Variants in DPP10 observed in about 807,000 individuals in gnomAD.
DPP10 encodes dipeptidyl peptidase like 10.
DPP10 carries 33 observed loss-of-function variants against 120.9 expected under a neutral mutation model. The observed-to-expected ratio is 0.27, with a 90% CI of 0.21 to 0.37. DPP10 has a LOEUF of 0.37. Ranked by LOEUF, DPP10 falls within the 10% of genes least tolerant of loss-of-function variation. The pLI is 1.00. For missense variants in DPP10, 816 were observed against 942.8 expected, an observed-to-expected ratio of 0.87 and a Z score of 1.76; for synonymous variants, 337 against 326.1, an observed-to-expected ratio of 1.03 and a Z score of -0.36.
At chr2:115,664,627 T>C (rs892313327) in intron 5 of DPP10, among the ~76,000 whole-genome samples, 1 of 152,194 alleles carries the variant, frequency 6.6e-6, no homozygotes, top group African/African-American at 2.4e-5. Context: ...CAGTAGAATG[T>C]GAGAAAGGAA....
intron 1 of DPP10, among the ~76,000 whole-genome samples, chr2:114,575,473 G>T (rs1345348588): frequency 1.3e-5 from 2 of 152,132 alleles, no homozygotes; most frequent in African/African-American, 4.8e-5. Flanking sequence ...AATGACAGAG[G>T]ATGACAAAAA....
chr2:114,775,785 A>G (rs1285197882), intron 1 of DPP10, among the ~76,000 whole-genome samples: 1 of 152,214 alleles, frequency 6.6e-6, no homozygotes, highest in Non-Finnish European at 1.5e-5. Context: ...GTGTCTTATT[A>G]ATTCAACACA....
At chr2:115,417,952 CTAA>C (rs1251836417) in intron 3 of DPP10, among the ~76,000 whole-genome samples, 1 of 152,052 alleles carries the variant, frequency 6.6e-6, no homozygotes, top group East Asian at 1.9e-4. Context: ...CATTGTTGCC[CTAA>C]TGGGAATTCT....
intron 1 of DPP10, among the ~76,000 whole-genome samples, chr2:114,736,302 G>A (rs1022956803): frequency 6.6e-6 from 1 of 151,924 alleles, no homozygotes; most frequent in South Asian, 2.1e-4. Context: ...CTACATTCGA[G>A]TTCAATTCTG....
chr2:114,552,281 A>T (rs1228226816), intron 1 of DPP10, among the ~76,000 whole-genome samples: 1 of 152,146 alleles, frequency 6.6e-6, no homozygotes, highest in Admixed American at 6.5e-5. Flanking sequence ...AATTAATACG[A>T]TGCTAAGGGG....
At chr2:115,151,444 C>T (rs1207763381) in intron 1 of DPP10, among the ~76,000 whole-genome samples, 1 of 147,136 alleles carries the variant, frequency 6.8e-6, no homozygotes, top group Non-Finnish European at 1.5e-5. Context: ...CAGAGTCTTG[C>T]ACTGTCACCC....
chr2:115,482,193 A>G (rs1408701208), intron 3 of DPP10, among the ~76,000 whole-genome samples: 1 of 151,970 alleles, frequency 6.6e-6, no homozygotes, highest in Non-Finnish European at 1.5e-5. Context: ...TTATTGATAT[A>G]AAATCATATA....
intron 1 of DPP10, among the ~76,000 whole-genome samples, chr2:115,298,281 G>T (rs2060976083): frequency 6.6e-6 from 1 of 152,040 alleles, no homozygotes; most frequent in Non-Finnish European, 1.5e-5. Context: ...AACTAGTTAG[G>T]CTTATAATTA....
chr2:115,815,659 T>G lies in DPP10; in HGVS notation c.1896-16T>G. On this transcript the variant is annotated splice_polypyrimidine_tract_variant and intron_variant, in intron 20 of 25. Transcript: ENST00000410059. ...ACTCACAAAGATATAACTATTGTTT[T>G]TCGTTTTCATTGCAGATTTTTGCTG... The G allele has an allele frequency of 6.3e-7, 1 of 1,597,590 alleles. No homozygotes were observed. The highest frequency in any genetic ancestry group is 1.1e-5 in the South Asian group (1 of 88,636).
intron 3 of DPP10, among the ~76,000 whole-genome samples, chr2:115,428,786 G>A (rs1280357096): frequency 1.3e-5 from 2 of 152,216 alleles, no homozygotes; most frequent in Non-Finnish European, 2.9e-5. Flanking sequence ...ACACTCGCCA[G>A]CAGTTTTGCC....
At chr2:115,216,819 A>ATG (rs1246351577) in intron 1 of DPP10, among the ~76,000 whole-genome samples, 7 of 151,970 alleles carry the variant, frequency 4.6e-5, no homozygotes, top group African/African-American at 1.7e-4. Context: ...AGCTATATAT[A>ATG]TGTATATATA....
rs1419241887 is a variant in DPP10, at chr2:115,768,228, T to A, written c.1114-69T>A. On this transcript the variant is annotated intron_variant, in intron 12 of 25. Coordinates refer to ENST00000410059, the MANE Select transcript of DPP10 (RefSeq NM_020868.6). The stretch of plus-strand genomic sequence containing the variant: ...ATATTTGGTATAACCCATGCAGGAA[T>A]TAACAGTAGTAGGCAGCACAGATTG... The A allele has an allele frequency of 5.2e-6, 7 of 1,346,016 alleles. No homozygotes were observed. In the Admixed American group the frequency reaches 1.3e-4, roughly 25 times the overall value. The allele number at this position is 1,346,016 out of a possible 1,614,324, so 83.4% of individuals were successfully genotyped here.
At chr2:115,763,964 C>CTT (rs1197983582) in intron 12 of DPP10, among the ~76,000 whole-genome samples, 1 of 152,122 alleles carries the variant, frequency 6.6e-6, no homozygotes, top group Non-Finnish European at 1.5e-5. Flanking sequence ...ACAAAATTCC[C>CTT]TCAAACTTTC....
At chr2:115,480,177 G>A (rs775909898) in intron 3 of DPP10, among the ~76,000 whole-genome samples, 5 of 151,968 alleles carry the variant, frequency 3.3e-5, no homozygotes, top group Admixed American at 6.6e-5. Flanking sequence ...TGGCTCCCCC[G>A]TTCTCTTAAT....
chr2:115,547,073 G>A (rs58710948), intron 5 of DPP10, among the ~76,000 whole-genome samples: 2,745 of 152,088 alleles, frequency 0.018, 81 homozygotes, highest in African/African-American at 0.062. Flanking sequence ...TTAGTTGTGC[G>A]TATTCCTCTT....
At chr2:115,154,052 C>A (rs2051738084) in intron 1 of DPP10, among the ~76,000 whole-genome samples, 1 of 152,176 alleles carries the variant, frequency 6.6e-6, no homozygotes, top group South Asian at 2.1e-4. Flanking sequence ...TAACTATCTT[C>A]TGAGATTGAG....
chr2:114,726,371 G>A (rs1290659633), intron 1 of DPP10, among the ~76,000 whole-genome samples: 1 of 152,154 alleles, frequency 6.6e-6, no homozygotes, highest in African/African-American at 2.4e-5. Context: ...TAGCAATGAG[G>A]AATGGTTCTA....
At chr2:114,615,048 G>T (rs1315285776) in intron 1 of DPP10, among the ~76,000 whole-genome samples, 1 of 152,130 alleles carries the variant, frequency 6.6e-6, no homozygotes, top group Non-Finnish European at 1.5e-5. Context: ...TAATTTATTA[G>T]TGAGTCCATG....
At chr2:114,711,872 G>A (rs1022991261) in intron 1 of DPP10, among the ~76,000 whole-genome samples, 7 of 152,132 alleles carry the variant, frequency 4.6e-5, no homozygotes, top group African/African-American at 1.4e-4. Flanking sequence ...TTAACTTCAT[G>A]TATACAAGAC....
Sources: gnomAD v4.1 joint callset for allele counts (sites outside exome capture counted in the v4.1 genomes callset) on GRCh38, gnomAD v4.1.1 for gene constraint, MANE v1.5 for transcripts, NCBI Gene and HGNC (gene_info 2026-07-23, HGNC 2026-07-21) for gene names.